The following PLS1 variants were observed in gnomAD, a reference collection of about 807,000 sequenced individuals.
The protein encoded by PLS1 is plastin 1.
PLS1 carries 32 observed loss-of-function variants against 73.7 expected under a neutral mutation model. The ratio of observed to expected loss-of-function variants is 0.43; its 90% CI spans 0.33 to 0.58. The LOEUF is 0.58. Among genes scored for constraint, PLS1 ranks in the 20% least tolerant of loss-of-function variants. The pLI, the probability that PLS1 is intolerant of heterozygous loss-of-function variation, is 0.04. For missense variants in PLS1, 633 were observed against 740.5 expected, an observed-to-expected ratio of 0.85 and a Z score of 1.68; for synonymous variants, 217 against 261.3, an observed-to-expected ratio of 0.83 and a Z score of 1.63.
In PLS1 at chr3:142,671,083, T is replaced by TC; in HGVS notation, c.326dup (p.Thr110AsnfsTer5). On this transcript the variant is annotated frameshift_variant, in exon 4 of 16. Coordinates refer to ENST00000457734, the MANE Select transcript of PLS1 (RefSeq NM_001145319.2). LOFTEE classifies it high-confidence loss of function. ...AGGGATTACTGCTATTGGAGGAACTTCAACTATTTCCAGTGAGGGCACACA... is the reference window on the plus strand; with the variant it reads ...AGGGATTACTGCTATTGGAGGAACTTCCAACTATTTCCAGTGAGGGCACACA... 6.2e-7 allele frequency: 1 copy of TC among 1,611,384 alleles called. No homozygotes were observed. Among genetic ancestry groups the TC allele is most frequent in the South Asian group, 1.1e-5 (1 of 90,820 alleles).
At chr3:142,673,938 T>C (rs2037665380) in intron 4 of PLS1, 1 of 152,234 alleles carries the variant, frequency 6.6e-6, no homozygotes, top group Admixed American at 6.5e-5. Flanking sequence ...TTTAAAAAAT[T>C]ACAGCCATCC....
intron 1 of PLS1, among the ~76,000 whole-genome samples, chr3:142,602,889 G>T (rs2035953072): frequency 6.6e-6 from 1 of 152,154 alleles, no homozygotes; most frequent in South Asian, 2.1e-4. Context: ...GTTTCACCAT[G>T]TTGGCCAGGC....
intron 4 of PLS1, among the ~76,000 whole-genome samples, chr3:142,674,128 T>C (rs1178351837): frequency 6.6e-6 from 1 of 152,160 alleles, no homozygotes; most frequent in Non-Finnish European, 1.5e-5. Context: ...AAACATTGCA[T>C]ATATATTTCT....
intron 1 of PLS1, among the ~76,000 whole-genome samples, chr3:142,637,981 C>T (rs145173692): frequency 0.012 from 1,874 of 152,128 alleles, 17 homozygotes; most frequent in Non-Finnish European, 0.02. Context: ...AGCTAGCCAG[C>T]GCCATCGGAA....
chr3:142,646,852 A>G (rs1342271573), intron 1 of PLS1, among the ~76,000 whole-genome samples: 1 of 152,278 alleles, frequency 6.6e-6, no homozygotes, highest in Non-Finnish European at 1.5e-5. Context: ...TGGTACAAAT[A>G]GCAAGTAGGA....
At chr3:142,613,433 T>C (rs774647527) in intron 1 of PLS1, among the ~76,000 whole-genome samples, 2 of 151,872 alleles carry the variant, frequency 1.3e-5, no homozygotes, top group African/African-American at 2.4e-5. Context: ...ACTGAGATCA[T>C]GCCATTGTAC....
intron 1 of PLS1, among the ~76,000 whole-genome samples, chr3:142,609,462 T>C (rs189992620): frequency 6.6e-6 from 1 of 152,238 alleles, no homozygotes; most frequent in Admixed American, 6.5e-5. Flanking sequence ...TGGCCTAGAG[T>C]GACAAATATC....
intron 12 of PLS1, 50 bp downstream of exon 12, chr3:142,698,117 C>A: frequency 1.8e-6 from 2 of 1,092,760 alleles, no homozygotes; most frequent in Non-Finnish European, 2.8e-6. Flanking sequence ...TGATATGAAA[C>A]AAAGAATTTA....
At chr3:142,662,924 G>A (rs2037402137) in intron 1 of PLS1, among the ~76,000 whole-genome samples, 1 of 152,122 alleles carries the variant, frequency 6.6e-6, no homozygotes, top group African/African-American at 2.4e-5. Flanking sequence ...TAGGTCAGAA[G>A]GGGGCCGGGC....
intron 1 of PLS1, among the ~76,000 whole-genome samples, chr3:142,616,597 A>G (rs970213028): frequency 2.6e-5 from 4 of 151,880 alleles, no homozygotes; most frequent in Non-Finnish European, 5.9e-5. Flanking sequence ...TTGTTTAGTG[A>G]CACAATTATT....
chr3:142,621,179 T>C (rs994350160), intron 1 of PLS1, among the ~76,000 whole-genome samples: 8 of 152,180 alleles, frequency 5.3e-5, no homozygotes, highest in Non-Finnish European at 1.0e-4. Context: ...AGGCTCATAG[T>C]AGATACTAAA....
chr3:142,619,402 A>G (rs2036274932), intron 1 of PLS1: 1 of 152,144 alleles, frequency 6.6e-6, no homozygotes, highest in South Asian at 2.1e-4. Flanking sequence ...ATGTCTACCA[A>G]TTTATCTATG....
At chr3:142,642,451 C>G (rs970493402) in intron 1 of PLS1, among the ~76,000 whole-genome samples, 1 of 152,080 alleles carries the variant, frequency 6.6e-6, no homozygotes, top group African/African-American at 2.4e-5. Flanking sequence ...AGAATAATTC[C>G]TACAAATGGA....
At chr3:142,685,698 G>A (rs2037950380) in intron 8 of PLS1, among the ~76,000 whole-genome samples, 1 of 152,146 alleles carries the variant, frequency 6.6e-6, no homozygotes, top group Non-Finnish European at 1.5e-5. Context: ...ATTTGGGCGT[G>A]GAAGCCCCAG....
At chr3:142,667,907 A>G (rs1286528771) in intron 2 of PLS1, among the ~76,000 whole-genome samples, 1 of 152,220 alleles carries the variant, frequency 6.6e-6, no homozygotes, top group Non-Finnish European at 1.5e-5. Context: ...TTAGCTTCCT[A>G]GCTGAATTTT....
intron 1 of PLS1, among the ~76,000 whole-genome samples, chr3:142,643,987 G>A (rs906782981): frequency 4.0e-5 from 6 of 151,628 alleles, no homozygotes; most frequent in Non-Finnish European, 8.8e-5. Flanking sequence ...GTACCACCAC[G>A]CCCAGCTAAT....
intron 6 of PLS1, among the ~76,000 whole-genome samples, chr3:142,681,453 A>G (rs1044613391): frequency 6.6e-6 from 1 of 152,198 alleles, no homozygotes; most frequent in African/African-American, 2.4e-5. Flanking sequence ...TTATTGACCT[A>G]TTAGCAAGCA....
chr3:142,628,300 A>G (rs2036474630), intron 1 of PLS1, among the ~76,000 whole-genome samples: 1 of 151,780 alleles, frequency 6.6e-6, no homozygotes, highest in African/African-American at 2.4e-5. Flanking sequence ...ATATGTGGAA[A>G]TGGGAATAAA....
At chr3:142,711,217 T>G (rs914640067) in intron 14 of PLS1, among the ~76,000 whole-genome samples, 1 of 152,158 alleles carries the variant, frequency 6.6e-6, no homozygotes, top group Non-Finnish European at 1.5e-5. Context: ...TTTCAAAAGT[T>G]TTGTATTTTT....
Sources: allele counts gnomAD v4.1 joint callset (sites outside exome capture counted in the v4.1 genomes callset), GRCh38; gene constraint gnomAD v4.1.1; transcripts MANE v1.5; gene names NCBI Gene and HGNC (gene_info 2026-07-23, HGNC 2026-07-21).